YAP1: variants seen among roughly 807,000 people sequenced by gnomAD.
The protein encoded by YAP1 is transcriptional coactivator YAP1.
A neutral mutation model predicts 56.9 loss-of-function variants in YAP1; 5 were observed. The observed-to-expected ratio is 0.09, with a 90% CI of 0.05 to 0.18. The LOEUF is 0.18. YAP1 is among the 10% of genes least tolerant of loss of function. The pLI, the probability that YAP1 is intolerant of heterozygous loss-of-function variation, is 1.00. For missense variants in YAP1, 539 were observed against 651.8 expected (o/e 0.83, Z 1.88); for synonymous variants, 265 against 248.1 (o/e 1.07, Z -0.64).
At chr11:102,171,097 A>T (rs540877582) in intron 3 of YAP1, among the ~76,000 whole-genome samples, 4 of 152,278 alleles carry the variant, frequency 2.6e-5, no homozygotes, top group African/African-American at 9.6e-5. Flanking sequence ...TTCAGTGATT[A>T]TTTGTAGATT....
At chr11:102,155,189 C>T (rs1945871001) in intron 2 of YAP1, among the ~76,000 whole-genome samples, 1 of 152,044 alleles carries the variant, frequency 6.6e-6, no homozygotes, top group African/African-American at 2.4e-5. Flanking sequence ...AAAGCATTAC[C>T]AAAGTTTCAA....
chr11:102,126,917 T>G (rs1944066776), intron 2 of YAP1, among the ~76,000 whole-genome samples: 1 of 152,222 alleles, frequency 6.6e-6, no homozygotes, highest in Non-Finnish European at 1.5e-5. Flanking sequence ...GAGGTGACTC[T>G]TGTTACGTTT....
intron 2 of YAP1, among the ~76,000 whole-genome samples, chr11:102,154,003 C>A (rs952704108): frequency 6.6e-6 from 1 of 152,098 alleles, no homozygotes; most frequent in Non-Finnish European, 1.5e-5. Context: ...TACAGTATAA[C>A]CTTTTTATTA....
rs948030287 is a variant in YAP1 at position 102,112,570 on chromosome 11, C to T, written c.321+1401C>T. The T allele has an allele frequency of 3.0e-6, 3 of 985,044 alleles. No individual in the cohort carries two copies. In the African/African-American group the frequency reaches 5.3e-5, roughly 17 times the overall value. The allele number at this position is 985,044 out of a possible 1,614,324, so 61.0% of individuals were successfully genotyped here. A position where few individuals can be genotyped will look rare whatever the true frequency, so the allele number is the denominator to read the frequency against. The stretch of plus-strand genomic sequence containing the variant: ...CTTGAGTGGAAAGAAGAGTTACCGC[C>T]CCCACTCCCATTCCCTCTCCTATTT... On this transcript the variant is annotated intron_variant, in intron 1 of 8. Coordinates refer to ENST00000282441, the MANE Select transcript of YAP1 (RefSeq NM_001130145.3).
intron 1 of YAP1, among the ~76,000 whole-genome samples, chr11:102,111,726 G>A (rs1400912241): frequency 6.6e-6 from 1 of 152,180 alleles, no homozygotes; most frequent in South Asian, 2.1e-4. Context: ...TCAGTCTCCT[G>A]GGGGAGTCAA....
At chr11:102,206,614 G>A (rs1031206077) in intron 5 of YAP1, among the ~76,000 whole-genome samples, 1 of 152,158 alleles carries the variant, frequency 6.6e-6, no homozygotes, top group Non-Finnish European at 1.5e-5. Context: ...GGGAGGCCAG[G>A]GTGGGCAGAT....
rs1179238231 is a variant in YAP1, at chr11:102,155,186, TACCA to T, written c.573-7268_573-7265del. On this transcript the variant is annotated intron_variant, in intron 2 of 8. Transcript: ENST00000282441. ...TGATTGTGGAAGGCCCTGAAAGCATTACCAAAGTTTCAAAGTTACCTAAATAACA... is the reference window on the plus strand; with the variant it reads ...TGATTGTGGAAGGCCCTGAAAGCATTAAGTTTCAAAGTTACCTAAATAACA... Among the ~76,000 whole-genome samples, 7 of 152,260 alleles carry T rather than the reference TACCA, an allele frequency of 4.6e-5. No homozygotes were observed. In the South Asian group the frequency reaches 1.0e-3, roughly 23 times the overall value.
At chr11:102,178,814 C>T (rs532991350) in intron 3 of YAP1, among the ~76,000 whole-genome samples, 145 of 152,288 alleles carry the variant, frequency 9.5e-4, no homozygotes, top group African/African-American at 3.1e-3. Context: ...TTTAATTTGG[C>T]TCACAGTTCT....
intron 3 of YAP1, among the ~76,000 whole-genome samples, chr11:102,181,402 C>T (rs1005236556): frequency 2.0e-5 from 3 of 152,076 alleles, no homozygotes; most frequent in East Asian, 3.9e-4. Flanking sequence ...GCCGAGATTG[C>T]GCCACTGCAC....
intron 3 of YAP1, among the ~76,000 whole-genome samples, chr11:102,165,534 AG>A (rs1565220893): frequency 6.6e-6 from 1 of 152,224 alleles, no homozygotes; most frequent in East Asian, 1.9e-4. Context: ...GTTAGGAGTG[AG>A]GGGGAGAAGG....
At chr11:102,152,817 T>A (rs1565207000) in intron 2 of YAP1, among the ~76,000 whole-genome samples, 1 of 152,234 alleles carries the variant, frequency 6.6e-6, no homozygotes, top group Non-Finnish European at 1.5e-5. Context: ...AAAGGGAAAC[T>A]TAACAGCCTT....
Position 102,120,122 on chromosome 11 carries a change from G to A in YAP1, c.572+5728G>A, listed in dbSNP as rs145327161. Among the ~76,000 whole-genome samples the A allele has an allele frequency of 5.1e-4, 78 of 152,296 alleles. 3 individuals are homozygous for A. The East Asian group carries it at 9.6e-3, about 19-fold the overall frequency. ...TACAAGCCATGAAAGGGACATTGCCGTTTCTATGAAGAAGAATTGCTTCAT... is the reference window on the plus strand; with the variant it reads ...TACAAGCCATGAAAGGGACATTGCCATTTCTATGAAGAAGAATTGCTTCAT... On this transcript the variant is annotated intron_variant, in intron 2 of 8. Coordinates refer to ENST00000282441, the MANE Select transcript of YAP1 (RefSeq NM_001130145.3).
chr11:102,168,928 A>G lies in YAP1; in HGVS notation c.688+6357A>G, dbSNP rs1461279451. Among the ~76,000 whole-genome samples, 9 of 152,258 alleles carry G rather than the reference A, an allele frequency of 5.9e-5. No homozygotes were observed. The East Asian group carries it at 1.7e-3, about 29-fold the overall frequency. On this transcript the variant is annotated intron_variant, in intron 3 of 8. Coordinates refer to ENST00000282441, the MANE Select transcript of YAP1 (RefSeq NM_001130145.3). ...AGAGGGTAAAGATGTGAGAAGTTGC[A>G]GAACCAACAGGGTTGAGGTGTTGGT...
At chr11:102,160,411 A>G (rs996879600) in intron 2 of YAP1, among the ~76,000 whole-genome samples, 8 of 152,216 alleles carry the variant, frequency 5.3e-5, no homozygotes, top group Admixed American at 2.6e-4. Flanking sequence ...TCTCTTTACC[A>G]GTGCTATCAG....
chr11:102,169,257 A>G (rs1368845622), intron 3 of YAP1, among the ~76,000 whole-genome samples: 1 of 148,720 alleles, frequency 6.7e-6, no homozygotes, highest in Non-Finnish European at 1.5e-5. Context: ...TATAAATGTG[A>G]TAAAATAAAT....
intron 2 of YAP1, among the ~76,000 whole-genome samples, chr11:102,118,258 A>G (rs1355970131): frequency 2.0e-5 from 3 of 152,164 alleles, no homozygotes; most frequent in Admixed American, 2.0e-4. Flanking sequence ...ACTGGCCACA[A>G]TGTTTTTAGT....
intron 2 of YAP1, among the ~76,000 whole-genome samples, chr11:102,124,669 TTA>T (rs1943916746): frequency 6.6e-6 from 1 of 152,226 alleles, no homozygotes; most frequent in Non-Finnish European, 1.5e-5. Flanking sequence ...TAGCATTTTG[TTA>T]TGTTTTCTGG....
rs759816021 is a variant in YAP1, at chr11:102,229,990, C to A, written c.*50C>A. The A allele has an allele frequency of 6.6e-7, 1 of 1,508,222 alleles. No homozygotes were observed. Among genetic ancestry groups the A allele is most frequent in the South Asian group, 1.2e-5 (1 of 85,662 alleles). 93.4% of individuals were successfully genotyped at this position (1,508,222 alleles called of 1,614,324 possible). ...AATCTGTGAAGGATCTAAGGAGACA[C>A]ATGCACCGGAAATTTCCATAAGCCA... On this transcript the variant is annotated 3_prime_UTR_variant, in exon 9 of 9. Transcript: ENST00000282441.
intron 3 of YAP1, among the ~76,000 whole-genome samples, chr11:102,179,150 C>A (rs1396974704): frequency 6.6e-6 from 1 of 150,544 alleles, no homozygotes; most frequent in Non-Finnish European, 1.5e-5. Flanking sequence ...AACCATGTCA[C>A]CCTCTTTACG....
Sources: allele counts gnomAD v4.1 joint callset (sites outside exome capture counted in the v4.1 genomes callset), GRCh38; gene constraint gnomAD v4.1.1; transcripts MANE v1.5; gene names NCBI Gene and HGNC (gene_info 2026-07-23, HGNC 2026-07-21).